The following KCNH7 variants were observed in gnomAD, a reference collection of about 807,000 sequenced individuals.
KCNH7 encodes voltage-gated inwardly rectifying potassium channel KCNH7.
In KCNH7, 49 loss-of-function variants were observed where a neutral mutation model predicts 120.8. The observed-to-expected ratio is 0.41, with a 90% CI of 0.32 to 0.51. The LOEUF is 0.51. KCNH7 is among the 20% of genes least tolerant of loss of function. The pLI, the probability that KCNH7 is intolerant of heterozygous loss-of-function variation, is 0.38. For synonymous variants in KCNH7, 547 were observed against 516.1 expected, an observed-to-expected ratio of 1.06 and a Z score of -0.81; for missense variants, 1,097 against 1,446.6, an observed-to-expected ratio of 0.76 and a Z score of 3.92.
intron 2 of KCNH7, among the ~76,000 whole-genome samples, chr2:162,676,468 C>T (rs1366435039): frequency 6.6e-6 from 1 of 151,386 alleles, no homozygotes; most frequent in Non-Finnish European, 1.5e-5. Flanking sequence ...GGGAACCAAT[C>T]AAGAGAAATA....
At chr2:162,712,727 A>C (rs1366402873) in intron 2 of KCNH7, among the ~76,000 whole-genome samples, 1 of 152,196 alleles carries the variant, frequency 6.6e-6, no homozygotes, top group African/African-American at 2.4e-5. Context: ...ACTTGCTGTC[A>C]GTTTTCAACA....
At chr2:162,423,192 G>A (rs1264825377) in intron 9 of KCNH7, 144 bp downstream of exon 9, 8 of 1,520,316 alleles carry the variant, frequency 5.3e-6, no homozygotes, top group Admixed American at 1.8e-5. Context: ...GAGAATGAGA[G>A]ACTATCTCCA....
chr2:162,827,617 T>G (rs911890363), intron 2 of KCNH7, among the ~76,000 whole-genome samples: 5 of 152,164 alleles, frequency 3.3e-5, no homozygotes, highest in South Asian at 2.1e-4. Flanking sequence ...TTAACCAGAT[T>G]TAAACCTTGG....
intron 2 of KCNH7, among the ~76,000 whole-genome samples, chr2:162,662,709 T>C (rs762332334): frequency 6.6e-6 from 1 of 152,210 alleles, no homozygotes; most frequent in Non-Finnish European, 1.5e-5. Flanking sequence ...TGTACTCTTC[T>C]TTATAGCCCT....
chr2:162,563,670 A>G (rs1392230241), intron 2 of KCNH7, among the ~76,000 whole-genome samples: 1 of 152,184 alleles, frequency 6.6e-6, no homozygotes, highest in Non-Finnish European at 1.5e-5. Flanking sequence ...AGTGTAAACT[A>G]AGAAAACTAA....
chr2:162,566,337 T>A (rs142539788), intron 2 of KCNH7, among the ~76,000 whole-genome samples: 109 of 152,206 alleles, frequency 7.2e-4, no homozygotes, highest in African/African-American at 2.6e-3. Flanking sequence ...TATTTGGGGA[T>A]AGCATAATAT....
intron 2 of KCNH7, among the ~76,000 whole-genome samples, chr2:162,816,784 T>C (rs1684930302): frequency 6.6e-6 from 1 of 152,192 alleles, no homozygotes; most frequent in Admixed American, 6.5e-5. Context: ...GTAGCCCTGA[T>C]TTCCTAAATC....
At chr2:162,423,131 G>A in intron 9 of KCNH7, 1 of 1,028,876 alleles carries the variant, frequency 9.7e-7, no homozygotes, top group Non-Finnish European at 1.4e-6. Context: ...ATGTTATAAT[G>A]CCTTTGCCAC....
At chr2:162,397,896 A>T (rs1380499890) in intron 10 of KCNH7, among the ~76,000 whole-genome samples, 1 of 151,832 alleles carries the variant, frequency 6.6e-6, no homozygotes, top group East Asian at 1.9e-4. Context: ...GGAGGGAGGG[A>T]GAGAACAGCC....
chr2:162,626,897 AG>A (rs891949337), intron 2 of KCNH7, among the ~76,000 whole-genome samples: 8 of 152,172 alleles, frequency 5.3e-5, no homozygotes, highest in African/African-American at 1.9e-4. Flanking sequence ...CCAAAACCCC[AG>A]GAGTGAGTTG....
intron 2 of KCNH7, among the ~76,000 whole-genome samples, chr2:162,576,473 G>C (rs970186041): frequency 6.6e-6 from 1 of 151,786 alleles, no homozygotes. Flanking sequence ...TTCCTTAATG[G>C]AATGTTTTCT....
At chr2:162,767,149 T>C (rs1419599543) in intron 2 of KCNH7, among the ~76,000 whole-genome samples, 1 of 152,152 alleles carries the variant, frequency 6.6e-6, no homozygotes. Context: ...ATAAATGGTA[T>C]TTCTAATATT....
intron 2 of KCNH7, among the ~76,000 whole-genome samples, chr2:162,764,271 GC>G (rs2105457386): frequency 6.6e-6 from 1 of 152,138 alleles, no homozygotes; most frequent in African/African-American, 2.4e-5. Context: ...GCTACAAGAA[GC>G]CATCATGCTT....
intron 3 of KCNH7, among the ~76,000 whole-genome samples, chr2:162,521,679 A>T (rs1280753955): frequency 6.6e-6 from 1 of 151,912 alleles, no homozygotes; most frequent in Non-Finnish European, 1.5e-5. Context: ...ATGCAAGAAT[A>T]CATTGTGTAA....
intron 2 of KCNH7, among the ~76,000 whole-genome samples, chr2:162,792,741 G>A (rs1423337836): frequency 7.2e-5 from 10 of 139,276 alleles, no homozygotes; most frequent in East Asian, 2.1e-4. Flanking sequence ...CCCAGCTCCT[G>A]GATTTGTTGA....
chr2:162,517,698 T>C, intron 4 of KCNH7, 32 bp downstream of exon 4: 1 of 1,474,306 alleles, frequency 6.8e-7, no homozygotes, highest in Non-Finnish European at 9.2e-7. Flanking sequence ...CCCATTAATA[T>C]ATGTTTCCAT....
intron 2 of KCNH7, among the ~76,000 whole-genome samples, chr2:162,818,263 T>C (rs1559148207): frequency 6.6e-6 from 1 of 152,064 alleles, no homozygotes; most frequent in Non-Finnish European, 1.5e-5. Context: ...GTATGTAATC[T>C]AAATCAAATT....
intron 2 of KCNH7, among the ~76,000 whole-genome samples, chr2:162,814,068 C>T (rs905213557): frequency 6.6e-6 from 1 of 152,114 alleles, no homozygotes; most frequent in Non-Finnish European, 1.5e-5. Flanking sequence ...GCCAAGCGAC[C>T]TTGGGCAATT....
chr2:162,468,794 G>T (rs529982331), intron 6 of KCNH7, among the ~76,000 whole-genome samples: 1 of 151,246 alleles, frequency 6.6e-6, no homozygotes, highest in Non-Finnish European at 1.5e-5. Context: ...TGATCCGCCC[G>T]CCTAGGCCTC....
Sources: allele counts gnomAD v4.1 joint callset (sites outside exome capture counted in the v4.1 genomes callset), GRCh38; gene constraint gnomAD v4.1.1; transcripts MANE v1.5; gene names NCBI Gene and HGNC (gene_info 2026-07-23, HGNC 2026-07-21).